The following DSC3 variants were observed in gnomAD, a reference collection of about 807,000 sequenced individuals.
DSC3 encodes the protein desmocollin-3.
In DSC3, 97 loss-of-function variants were observed where a neutral mutation model predicts 89.5. The observed-to-expected ratio is 1.08, with a 90% confidence interval of 0.92 to 1.28. The LOEUF is 1.28. DSC3 is among the 50% of genes most tolerant of loss of function. DSC3 has a pLI of 0.00. For synonymous variants in DSC3, 436 were observed against 384.1 expected (o/e 1.14, Z -1.58); for missense variants, 1,199 against 1,085.3 (o/e 1.10, Z -1.47).
chr18:31,018,098 A>G lies in DSC3; in HGVS notation c.1236T>C (p.Thr412=). Residue 412 remains threonine (T), a synonymous_variant, in exon 9 of 16, where the codon ACT becomes ACC. Transcript: ENST00000360428. ...GHFKISTDKE[T]NEGVLSVVKP... is the part of the protein sequence containing the mutation. Reference sequence around the variant, plus strand: ...TTACAACAGAAAGAACACCTTCATTAGTTTCTTTGTCTGTGCTGATTTTGA... The same window carrying G: ...TTACAACAGAAAGAACACCTTCATTGGTTTCTTTGTCTGTGCTGATTTTGA... 1 of 1,612,556 alleles carries G rather than the reference A, an allele frequency of 6.2e-7. No individual in the cohort carries two copies. The highest frequency in any genetic ancestry group is 8.5e-7 in the Non-Finnish European group (1 of 1,179,246).
intron 7 of DSC3, among the ~76,000 whole-genome samples, chr18:31,020,052 A>AT (rs1985367162): frequency 6.6e-6 from 1 of 152,224 alleles, no homozygotes; most frequent in Admixed American, 6.5e-5. Flanking sequence ...AGGTTGGCAA[A>AT]GGGGTAGAAA....
intron 14 of DSC3, among the ~76,000 whole-genome samples, chr18:31,000,146 A>C (rs1212271956): frequency 6.6e-6 from 1 of 152,162 alleles, no homozygotes; most frequent in East Asian, 1.9e-4. Context: ...TTGAAGAGAG[A>C]AATAGTGAAT....
At chr18:31,009,847 G>T (rs1007525471) in intron 9 of DSC3, among the ~76,000 whole-genome samples, 3 of 152,210 alleles carry the variant, frequency 2.0e-5, no homozygotes, top group Non-Finnish European at 4.4e-5. Flanking sequence ...TCTGACCTGA[G>T]TCCATTTCCT....
chr18:30,994,920 A>T (rs990103052), intron 15 of DSC3, among the ~76,000 whole-genome samples: 1 of 152,234 alleles, frequency 6.6e-6, no homozygotes, highest in Non-Finnish European at 1.5e-5. Context: ...GTTAACTTGA[A>T]TCACTATTAT....
rs779446358 is a variant in DSC3 at position 31,022,439 on chromosome 18, A to C, written c.839T>G (p.Leu280Arg). 6.2e-7 allele frequency: 1 copy of C among 1,614,106 alleles called. No individual in the cohort carries two copies. The highest frequency in any genetic ancestry group is 8.5e-7 in the Non-Finnish European group (1 of 1,179,976). Reference sequence around the variant, plus strand: ...TGTCTGCTGCAAAATGCTGTATTTCAGGCGCGTATGCATTGTGTCCGGTTC... The same window carrying C: ...TGTCTGCTGCAAAATGCTGTATTTCCGGCGCGTATGCATTGTGTCCGGTTC... ...RDEPDTMHTR[L>R]KYSILQQTPR... Residue 280 changes from leucine to arginine, a missense_variant, in exon 7 of 16, where the codon CTG becomes CGG. Leu to Arg is a moderately radical substitution (Grantham distance 102, BLOSUM62 -2). Coordinates refer to ENST00000360428, the MANE Select transcript of DSC3 (RefSeq NM_001941.5).
Position 31,031,057 on chromosome 18 carries a change from CTT to C in DSC3, c.268_269del (p.Lys90GlufsTer10). ...AAAGCCATATGGTAAATGATCTTTT[CTT>C]ATCAGACAGCGCAACAGCCCTGGCT... Reference protein sequence around the residue: ...YTARAVALSDKKRSFTIWLSD... With the variant: ...YTARAVALSDXKRSFTIWLSD... On this transcript the variant is annotated frameshift_variant, in exon 3 of 16. Coordinates refer to ENST00000360428, the MANE Select transcript of DSC3 (RefSeq NM_001941.5). LOFTEE classifies it high-confidence loss of function. The C allele has an allele frequency of 1.9e-6, 3 of 1,614,014 alleles. No individual in the cohort carries two copies. Among genetic ancestry groups the C allele is most frequent in the Non-Finnish European group, 2.5e-6 (3 of 1,179,962 alleles).
At chr18:31,021,595 A>C (rs1985421423) in intron 7 of DSC3, among the ~76,000 whole-genome samples, 1 of 152,210 alleles carries the variant, frequency 6.6e-6, no homozygotes, top group Non-Finnish European at 1.5e-5. Context: ...AGTGGGAAAC[A>C]TTGAACTATT....
chr18:31,011,551 A>T (rs745566332), intron 9 of DSC3, among the ~76,000 whole-genome samples: 2 of 152,216 alleles, frequency 1.3e-5, no homozygotes, highest in Non-Finnish European at 2.9e-5. Flanking sequence ...CTTTAGAGTT[A>T]ACAACATAGT....
chr18:31,033,613 C>T (rs1985874898), intron 1 of DSC3, among the ~76,000 whole-genome samples: 1 of 152,130 alleles, frequency 6.6e-6, no homozygotes, highest in African/African-American at 2.4e-5. Context: ...GAACCACAGA[C>T]ATAAATGTAA....
At chr18:31,014,341 G>A (rs1985166281) in intron 9 of DSC3, among the ~76,000 whole-genome samples, 1 of 152,024 alleles carries the variant, frequency 6.6e-6, no homozygotes, top group East Asian at 1.9e-4. Context: ...ACATGTTTGT[G>A]TATATATAAA....
At chr18:30,994,601 A>G in intron 15 of DSC3, 5 of 861,236 alleles carry the variant, frequency 5.8e-6, no homozygotes, top group Non-Finnish European at 7.1e-6. Flanking sequence ...TTATGTATAC[A>G]AGTTTTATAT....
intron 14 of DSC3, among the ~76,000 whole-genome samples, chr18:30,998,048 G>A (rs1984535634): frequency 6.6e-6 from 1 of 152,174 alleles, no homozygotes; most frequent in South Asian, 2.1e-4. Flanking sequence ...GAAGATCACA[G>A]GGACTGTGAA....
At chr18:31,028,967 T>C (rs1324886499) in intron 4 of DSC3, among the ~76,000 whole-genome samples, 1 of 152,180 alleles carries the variant, frequency 6.6e-6, no homozygotes, top group Non-Finnish European at 1.5e-5. Context: ...TTTCCTCTTC[T>C]TCTGCAATTA....
At chr18:31,042,379 A>G (rs774780172) in intron 1 of DSC3, among the ~76,000 whole-genome samples, 3 of 152,210 alleles carry the variant, frequency 2.0e-5, no homozygotes, top group Admixed American at 6.5e-5. Context: ...ACCTTGTCTC[A>G]AAACAAAAAG....
In DSC3 at chr18:31,042,725, A is replaced by G. The variant is rs369389805; in HGVS notation, c.-65T>C. On this transcript the variant is annotated 5_prime_UTR_variant, in exon 1 of 16. Transcript: ENST00000360428. ...AGGGTGCCGAGAGCGAGACCTGCCG[A>G]GGTGCAGGGCGCGGGAGGTGCTTTT... is the stretch of plus-strand genomic sequence containing the variant. The G allele has an allele frequency of 2.4e-4, 342 of 1,451,354 alleles. 2 individuals carry two copies. The African/African-American group carries it at 4.1e-3, about 17-fold the overall frequency. The allele number at this position is 1,451,354 out of a possible 1,614,324, so 89.9% of individuals were successfully genotyped here.
At chr18:31,009,074 C>T (rs1984969597) in intron 9 of DSC3, among the ~76,000 whole-genome samples, 1 of 152,064 alleles carries the variant, frequency 6.6e-6, no homozygotes, top group Admixed American at 6.6e-5. Flanking sequence ...GAGACAGAGT[C>T]TTGCCTCATT....
intron 4 of DSC3, among the ~76,000 whole-genome samples, chr18:31,028,261 G>T (rs1985666617): frequency 6.6e-6 from 1 of 152,062 alleles, no homozygotes; most frequent in South Asian, 2.1e-4. Context: ...ACATACGAAG[G>T]AGTGATCAAT....
At chr18:31,020,529 C>T (rs1306579118) in intron 7 of DSC3, among the ~76,000 whole-genome samples, 2 of 152,098 alleles carry the variant, frequency 1.3e-5, no homozygotes, top group Admixed American at 6.5e-5. Flanking sequence ...TTGTGGCCTT[C>T]CTCTTTTATT....
intron 12 of DSC3, 100 bp from the exon 13 acceptor site, chr18:31,004,466 A>G: frequency 9.9e-7 from 1 of 1,014,932 alleles, no homozygotes; most frequent in Non-Finnish European, 1.5e-6. Flanking sequence ...TTCTCAAGGA[A>G]CTGCCTGCCA....
Sources: allele counts gnomAD v4.1 joint callset (sites outside exome capture counted in the v4.1 genomes callset), GRCh38; gene constraint gnomAD v4.1.1; transcripts MANE v1.5; gene names NCBI Gene and HGNC (gene_info 2026-07-23, HGNC 2026-07-21).